Variants in LTBP2 observed in about 807,000 individuals in gnomAD.
LTBP2 encodes latent transforming growth factor beta binding protein 2.
A neutral mutation model predicts 210.6 loss-of-function variants in LTBP2; 103 were observed. The ratio of observed to expected loss-of-function variants is 0.49; its 90% CI spans 0.42 to 0.58. LTBP2 has a LOEUF of 0.58. LTBP2 is among the 20% of genes least tolerant of loss of function. The probability of loss-of-function intolerance (pLI) is 0.00; values close to 1 mark genes in which losing one functional copy is unlikely to be tolerated. For missense variants in LTBP2, 2,313 were observed against 2,494.5 expected, an observed-to-expected ratio of 0.93 and a Z score of 1.55; for synonymous variants, 1,007 against 1,015.0, an observed-to-expected ratio of 0.99 and a Z score of 0.15.
rs762048751 is a variant in LTBP2, at chr14:74,611,591, A to G, written c.354T>C (p.Pro118=). Reference sequence around the variant, plus strand: ...GGGGAGTGCTTCTCCGGGTCTGCGCAGGTGGCTGGACACGCCGCGACTGCT... The same window carrying G: ...GGGGAGTGCTTCTCCGGGTCTGCGCGGGTGGCTGGACACGCCGCGACTGCT... ...RAQQSRRVQP[P]AQTRRSTPLG... The change falls in exon 1 of 36, where the codon CCT becomes CCC. Residue 118 remains proline, a synonymous_variant. Transcript: ENST00000261978. The G allele has an allele frequency of 2.5e-6, 4 of 1,573,984 alleles. No individual in the cohort carries two copies. The Admixed American group carries it at 5.3e-5, about 21-fold the overall frequency.
At chr14:74,529,192 GT>G (rs2139719698) in intron 10 of LTBP2, 70 bp from the exon 11 acceptor site, 14 of 1,524,150 alleles carry the variant, frequency 9.2e-6, no homozygotes, top group Middle Eastern at 1.7e-4. Flanking sequence ...TGGGAGGGCA[GT>G]GGATGGAGGT....
chr14:74,507,937 G>C (rs373827663), intron 25 of LTBP2, 36 bp downstream of exon 25: 342 of 1,611,016 alleles, frequency 2.1e-4, no homozygotes, highest in Admixed American at 5.5e-4. Flanking sequence ...GGGCAGATGT[G>C]GGCAGAGCCC....
At position 74,526,158 on chromosome 14, in the gene LTBP2, A is replaced by C. The variant is rs699375; in HGVS notation, c.2389-44T>G. ...AGGTCACTTTTGGCTCCTCTGCCGT[A>C]CCTGTGATGTGCCACCTTCCACCAC... On this transcript the variant is annotated intron_variant, in intron 13 of 35. Coordinates refer to ENST00000261978, the MANE Select transcript of LTBP2 (RefSeq NM_000428.3). 463,600 of 1,565,518 alleles carry C rather than the reference A, an allele frequency of 0.3. 71,483 individuals are homozygous for C. The highest frequency in any genetic ancestry group is 0.51 in the African/African-American group (37,334 of 73,788).
intron 3 of LTBP2, among the ~76,000 whole-genome samples, chr14:74,582,928 A>G (rs1410757559): frequency 1.3e-5 from 2 of 152,128 alleles, no homozygotes; most frequent in African/African-American, 4.8e-5. Flanking sequence ...CCATCTCTCC[A>G]GGCCCTTCCC....
At chr14:74,504,732 G>A (rs774283164) in intron 30 of LTBP2, 46 bp downstream of exon 30, 1 of 1,581,992 alleles carries the variant, frequency 6.3e-7, no homozygotes, top group Non-Finnish European at 8.7e-7. Context: ...GCAGGCTAGG[G>A]CCCACTCAGG....
At position 74,499,082 on chromosome 14, in the gene LTBP2, C is replaced by G. The variant is rs972454508; in HGVS notation, c.*1802G>C. ...AAGGACATTGCCATATTGTCCTCTTCAATATGTACTTCTGTCAGCTGTTAT... is the reference window on the plus strand; with the variant it reads ...AAGGACATTGCCATATTGTCCTCTTGAATATGTACTTCTGTCAGCTGTTAT... On this transcript the variant is annotated 3_prime_UTR_variant, in exon 36 of 36. Coordinates refer to ENST00000261978, the MANE Select transcript of LTBP2 (RefSeq NM_000428.3). 4.6e-6 allele frequency: 1 copy of G among 218,148 alleles called. No individual in the cohort carries two copies. Among genetic ancestry groups the G allele is most frequent in the African/African-American group, 2.2e-5 (1 of 44,576 alleles). The allele number at this position is 218,148 out of a possible 1,614,324, so 13.5% of individuals were successfully genotyped here.
chr14:74,510,272 T>C, intron 19 of LTBP2, 59 bp from the exon 20 acceptor site: 1 of 1,605,098 alleles, frequency 6.2e-7, no homozygotes, highest in South Asian at 1.1e-5. Flanking sequence ...CAGCCCCCGC[T>C]GGCAGGCTCC....
At chr14:74,552,149 T>G (rs1270839261) in intron 6 of LTBP2, 38 bp downstream of exon 6, 4 of 1,551,060 alleles carry the variant, frequency 2.6e-6, no homozygotes, top group Non-Finnish European at 3.5e-6. Flanking sequence ...CTGGCACTCC[T>G]CCCAGGGTCC....
intron 8 of LTBP2, among the ~76,000 whole-genome samples, chr14:74,549,579 C>T (rs974687369): frequency 2.0e-5 from 3 of 152,250 alleles, no homozygotes; most frequent in African/African-American, 4.8e-5. Flanking sequence ...TGCAGGGGAA[C>T]ACTGAGTGAA....
intron 1 of LTBP2, among the ~76,000 whole-genome samples, chr14:74,607,918 T>G (rs2088549809): frequency 2.0e-5 from 3 of 151,586 alleles, no homozygotes; most frequent in South Asian, 4.2e-4. Flanking sequence ...GACTATGTTT[T>G]TTTTTTTTTT....
intron 13 of LTBP2, among the ~76,000 whole-genome samples, chr14:74,526,884 T>G (rs538619479): frequency 6.6e-6 from 1 of 152,302 alleles, no homozygotes; most frequent in East Asian, 1.9e-4. Flanking sequence ...CCTTTCTCCG[T>G]GAGGTGGTTT....
At position 74,502,773 on chromosome 14, in the gene LTBP2, C is replaced by T. The variant is rs751365554; in HGVS notation, c.5050G>A (p.Asp1684Asn). The change falls in exon 34 of 36, where the codon GAC (aspartate) becomes AAC (asparagine). Residue 1684 changes from aspartate to asparagine, a missense_variant. Asp to Asn is a conservative substitution (Grantham distance 23, BLOSUM62 1). This residue lies in a region of LTBP2 where 443 missense variants were observed against 501.4 expected (regional missense o/e 0.88). Coordinates refer to ENST00000261978, the MANE Select transcript of LTBP2 (RefSeq NM_000428.3). ...GGGAAGGCAGGCTCAGGGACGGTGT[C>T]CTCGGGGCCCAGGTAGTTGTAGAAG... is the stretch of plus-strand genomic sequence containing the variant. The part of the protein sequence containing the change: ...APFYNYLGPE[D>N]TVPEPAFPNT... The T allele has an allele frequency of 2.5e-6, 4 of 1,614,018 alleles. No individual in the cohort carries two copies. Among genetic ancestry groups the T allele is most frequent in the Non-Finnish European group, 3.4e-6 (4 of 1,180,014 alleles).
chr14:74,598,411 T>A (rs779731657), intron 2 of LTBP2, among the ~76,000 whole-genome samples: 1 of 152,178 alleles, frequency 6.6e-6, no homozygotes, highest in Non-Finnish European at 1.5e-5. Flanking sequence ...CTGGAAGGGC[T>A]GATAGAACTT....
chr14:74,562,890 G>A (rs1280227306), intron 3 of LTBP2, among the ~76,000 whole-genome samples: 3 of 152,106 alleles, frequency 2.0e-5, no homozygotes, highest in African/African-American at 4.8e-5. Flanking sequence ...TCTGTGCTTT[G>A]ACCCTGCTGC....
intron 3 of LTBP2, among the ~76,000 whole-genome samples, chr14:74,580,728 G>C (rs1376201762): frequency 6.6e-6 from 1 of 152,192 alleles, no homozygotes; most frequent in Non-Finnish European, 1.5e-5. Context: ...CTTAGGCCAA[G>C]GCAGGAGGAT....
At chr14:74,523,964 T>A (rs1314672773) in intron 15 of LTBP2, among the ~76,000 whole-genome samples, 1 of 152,132 alleles carries the variant, frequency 6.6e-6, no homozygotes, top group Non-Finnish European at 1.5e-5. Flanking sequence ...TAAGTTTGTG[T>A]CAGCCTTGGG....
intron 3 of LTBP2, among the ~76,000 whole-genome samples, chr14:74,581,761 T>G (rs1427796401): frequency 2.0e-5 from 3 of 152,118 alleles, no homozygotes; most frequent in Non-Finnish European, 4.4e-5. Flanking sequence ...GAAATAAATG[T>G]GTGTTGTTTT....
chr14:74,515,921 C>T (rs1000915175), intron 18 of LTBP2, among the ~76,000 whole-genome samples: 3 of 152,202 alleles, frequency 2.0e-5, no homozygotes, highest in African/African-American at 7.2e-5. Flanking sequence ...CTGCACCTGC[C>T]GCAACCTCTC....
chr14:74,532,899 G>A (rs1295970718), intron 9 of LTBP2, among the ~76,000 whole-genome samples: 1 of 152,174 alleles, frequency 6.6e-6, no homozygotes, highest in Non-Finnish European at 1.5e-5. Context: ...GAGTGCAGGG[G>A]TGTGATCTCA....
Sources: allele counts gnomAD v4.1 joint callset (sites outside exome capture counted in the v4.1 genomes callset), GRCh38; gene constraint gnomAD v4.1.1; regional missense constraint gnomAD v4.1.1; transcripts MANE v1.5; gene names NCBI Gene and HGNC (gene_info 2026-07-23, HGNC 2026-07-21).